The following KRIT1 variants were observed in gnomAD, a reference collection of about 807,000 sequenced individuals.
KRIT1 encodes the protein krev interaction trapped protein 1.
In KRIT1, 45 loss-of-function variants were observed where a neutral mutation model predicts 95.8. The ratio of observed to expected loss-of-function variants is 0.47; its 90% CI spans 0.37 to 0.60. KRIT1 has a LOEUF of 0.60. KRIT1 is among the 20% of genes least tolerant of loss of function. The probability of loss-of-function intolerance (pLI) is 0.00; values close to 1 mark genes in which losing one functional copy is unlikely to be tolerated. For synonymous variants in KRIT1, 282 were observed against 278.8 expected, an observed-to-expected ratio of 1.01 and a Z score of -0.11; for missense variants, 788 against 877.5, an observed-to-expected ratio of 0.90 and a Z score of 1.29.
At chr7:92,216,573 G>A (rs1227580014) in intron 14 of KRIT1, among the ~76,000 whole-genome samples, 2 of 152,038 alleles carry the variant, frequency 1.3e-5, no homozygotes, top group African/African-American at 4.8e-5. Context: ...TGTTATTGTG[G>A]TAGGTAGAGA....
At chr7:92,232,427 AG>A (rs1797493341) in intron 10 of KRIT1, among the ~76,000 whole-genome samples, 1 of 152,068 alleles carries the variant, frequency 6.6e-6, no homozygotes, top group South Asian at 2.1e-4. Context: ...ACTGAAACAT[AG>A]GTACATTCCA....
rs1391316738 is a variant in KRIT1 at position 92,208,389 on chromosome 7, G to GA, written c.2025+4805dup. On this transcript the variant is annotated intron_variant, in intron 17 of 18. Transcript: ENST00000394505. ...AAAGAAAGAAAGACTTAAAAAAAAA[G>GA]AAAAAAGAAAAAAATTACAAAGGAT... 8.6e-5 allele frequency among the ~76,000 whole-genome samples: 13 copies of GA among 151,102 alleles called. No individual in the cohort carries two copies. The South Asian group carries it at 2.5e-3, about 29-fold the overall frequency.
At chr7:92,240,119 CA>C (rs1181565419) in intron 5 of KRIT1, among the ~76,000 whole-genome samples, 2 of 152,124 alleles carry the variant, frequency 1.3e-5, no homozygotes, top group East Asian at 1.9e-4. Flanking sequence ...AGCTATAATA[CA>C]GTGAATGGTA....
At chr7:92,215,845 T>C (rs2131344806) in intron 14 of KRIT1, among the ~76,000 whole-genome samples, 1 of 152,166 alleles carries the variant, frequency 6.6e-6, no homozygotes, top group Middle Eastern at 3.4e-3. Flanking sequence ...AATATATTCC[T>C]ACTTGTACAA....
Position 92,236,433 on chromosome 7 carries a change from C to T in KRIT1, c.465G>A (p.Arg155=), listed in dbSNP as rs985084163. ...SSTHFATLTA[R]MLIALDKWLD... ...CTTACTTATCCAAGGCTATTAACAT[C>T]CTTGCTGTAAGTGTAGCAAAATGAG... Residue 155 remains arginine, a synonymous_variant, in exon 7 of 19, where the codon AGG becomes AGA. Coordinates refer to ENST00000394505, the MANE Select transcript of KRIT1 (RefSeq NM_194454.3). 6.2e-7 allele frequency: 1 copy of T among 1,602,930 alleles called. No homozygotes were observed. Among genetic ancestry groups the T allele is most frequent in the African/African-American group, 1.3e-5 (1 of 74,770 alleles).
At chr7:92,225,993 T>C (rs1796134623) in intron 11 of KRIT1, among the ~76,000 whole-genome samples, 166 bp from the exon 12 acceptor site, 1 of 152,100 alleles carries the variant, frequency 6.6e-6, no homozygotes, top group African/African-American at 2.4e-5. Context: ...TAAACAAGAG[T>C]TGCCAAGATA....
At chr7:92,208,379 TA>T (rs914360644) in intron 17 of KRIT1, among the ~76,000 whole-genome samples, 1 of 142,200 alleles carries the variant, frequency 7.0e-6, no homozygotes, top group Admixed American at 6.9e-5. Flanking sequence ...AAGAAAGACT[TA>T]AAAAAAAAGA....
chr7:92,227,723 T>C (rs13246368), intron 10 of KRIT1, among the ~76,000 whole-genome samples: 3 of 151,248 alleles, frequency 2.0e-5, no homozygotes, highest in Non-Finnish European at 4.4e-5. Flanking sequence ...TTAGTAAAGA[T>C]GGGGTTTCGG....
chr7:92,209,294 A>G (rs1404364356), intron 17 of KRIT1, among the ~76,000 whole-genome samples: 1 of 152,222 alleles, frequency 6.6e-6, no homozygotes, highest in Admixed American at 6.5e-5. Flanking sequence ...AGAATAAGAC[A>G]AGGATACCCC....
At chr7:92,238,948 C>T (rs1798994825) in intron 5 of KRIT1, among the ~76,000 whole-genome samples, 1 of 152,068 alleles carries the variant, frequency 6.6e-6, no homozygotes, top group South Asian at 2.1e-4. Context: ...CAGCACAGTA[C>T]AAAAATTTTA....
chr7:92,232,942 C>T (rs1309162249), intron 10 of KRIT1, among the ~76,000 whole-genome samples: 1 of 152,146 alleles, frequency 6.6e-6, no homozygotes, highest in Non-Finnish European at 1.5e-5. Flanking sequence ...ATCCGCCCAC[C>T]TTGGCCTCCC....
At chr7:92,225,920 A>G (rs1796119577) in intron 11 of KRIT1, 93 bp from the exon 12 acceptor site, 1 of 741,352 alleles carries the variant, frequency 1.3e-6, no homozygotes, top group African/African-American at 1.7e-5. Flanking sequence ...TTTCATAAAA[A>G]AGAGACTCTT....
chr7:92,206,973 A>C (rs928799131), intron 17 of KRIT1: 1 of 151,872 alleles, frequency 6.6e-6, no homozygotes, highest in Non-Finnish European at 1.5e-5. Flanking sequence ...ATCAAGAAAT[A>C]AAAAAGAATG....
intron 17 of KRIT1, among the ~76,000 whole-genome samples, chr7:92,212,914 T>C (rs1238877275): frequency 6.6e-6 from 1 of 152,220 alleles, no homozygotes; most frequent in Non-Finnish European, 1.5e-5. Context: ...ATATTACATA[T>C]TGTTCAGCAC....
intron 12 of KRIT1, 143 bp from the exon 13 acceptor site, chr7:92,223,121 T>C: frequency 1.5e-6 from 1 of 676,516 alleles, no homozygotes. Context: ...TGAGAATCTG[T>C]TGGTGATATT....
chr7:92,232,727 T>A (rs1355924389), intron 10 of KRIT1, among the ~76,000 whole-genome samples: 3 of 152,212 alleles, frequency 2.0e-5, no homozygotes, highest in South Asian at 2.1e-4. Flanking sequence ...GGAGTCTCAC[T>A]GTGTTGCCCA....
intron 10 of KRIT1, among the ~76,000 whole-genome samples, chr7:92,233,461 C>T (rs949219133): frequency 4.1e-4 from 61 of 148,924 alleles, no homozygotes; most frequent in African/African-American, 1.1e-3. Context: ...GGCTGGAGTG[C>T]GGTGGTGCAA....
At chr7:92,231,393 T>G (rs1466201881) in intron 10 of KRIT1, among the ~76,000 whole-genome samples, 1 of 152,178 alleles carries the variant, frequency 6.6e-6, no homozygotes, top group Non-Finnish European at 1.5e-5. Context: ...TTCTAATATC[T>G]TAACACTGGA....
rs1226516875 is a variant in KRIT1 at position 92,200,186 on chromosome 7, A to C, written c.*550T>G. Reference sequence around the variant, plus strand: ...AAAGCTTACTATTTTGTCTAATATTATACAGACTATCAATCTATAACTTTT... The same window carrying C: ...AAAGCTTACTATTTTGTCTAATATTCTACAGACTATCAATCTATAACTTTT... On this transcript the variant is annotated 3_prime_UTR_variant, in exon 19 of 19. Transcript: ENST00000394505. The C allele has an allele frequency of 6.5e-6, 1 of 154,838 alleles. No homozygotes were observed. Among genetic ancestry groups the C allele is most frequent in the East Asian group, 1.9e-4 (1 of 5,244 alleles). The allele number at this position is 154,838 out of a possible 1,614,324, so 9.6% of individuals were successfully genotyped here.
Sources: gnomAD v4.1 joint callset for allele counts (sites outside exome capture counted in the v4.1 genomes callset) on GRCh38, gnomAD v4.1.1 for gene constraint, MANE v1.5 for transcripts, NCBI Gene and HGNC (gene_info 2026-07-23, HGNC 2026-07-21) for gene names.